The following PALM2AKAP2 variants were observed in gnomAD, a reference collection of about 807,000 sequenced individuals.
The protein encoded by PALM2AKAP2 is PALM2-AKAP2 fusion protein.
In PALM2AKAP2, 37 loss-of-function variants were observed where a neutral mutation model predicts 71.5. The observed-to-expected ratio is 0.52, with a 90% CI of 0.40 to 0.68. The LOEUF (loss-of-function observed/expected upper bound fraction) is 0.68, where lower values mean the gene tolerates loss of function less well. PALM2AKAP2 is among the 30% of genes least tolerant of loss of function. PALM2AKAP2 has a pLI of 0.00. For missense variants in PALM2AKAP2, 1,224 were observed against 1,191.8 expected, an observed-to-expected ratio of 1.03 and a Z score of -0.40; for synonymous variants, 468 against 478.8, an observed-to-expected ratio of 0.98 and a Z score of 0.29.
At chr9:110,138,332 A>C in exon 2 of PALM2AKAP2, 1 of 1,614,158 alleles carries the variant, frequency 6.2e-7, no homozygotes, top group South Asian at 1.1e-5. Context: ...CCTCCTGGCC[A>C]CTCAAGAATC....
chr9:109,841,997 G>A (rs572788568), intron 1 of PALM2AKAP2, among the ~76,000 whole-genome samples: 36 of 150,988 alleles, frequency 2.4e-4, no homozygotes, highest in African/African-American at 8.5e-4. Flanking sequence ...ATAGAGGGGA[G>A]GTGGGAAAAA....
intron 1 of PALM2AKAP2, among the ~76,000 whole-genome samples, chr9:110,115,922 T>A (rs1835352254): frequency 2.0e-5 from 3 of 152,190 alleles, no homozygotes; most frequent in Admixed American, 1.3e-4. Flanking sequence ...CGAAAAAGCA[T>A]CTCTGATGGT....
In PALM2AKAP2 at chr9:109,843,995, A is replaced by G. The variant is rs186515896; in HGVS notation, c.46-23496A>G. Among the ~76,000 whole-genome samples, 236 of 152,330 alleles carry G rather than the reference A, an allele frequency of 1.5e-3. 2 individuals are homozygous for G. The highest frequency in any genetic ancestry group is 5.2e-3 in the African/African-American group (215 of 41,570). On this transcript the variant is annotated intron_variant, in intron 1 of 9. Coordinates refer to the PALM2AKAP2 transcript ENST00000302798. ...CCCGATTCTTTGGTTGGTCCTAGAC[A>G]AAAACAACGGTTTTGCAGATTTGGG...
intron 1 of PALM2AKAP2, among the ~76,000 whole-genome samples, chr9:109,795,487 A>G (rs1346915167): frequency 1.3e-5 from 2 of 152,234 alleles, no homozygotes; most frequent in Non-Finnish European, 2.9e-5. Context: ...TAAAAAATAA[A>G]ATTAAAAAAA....
At chr9:109,805,624 A>T (rs1469367229) in intron 1 of PALM2AKAP2, among the ~76,000 whole-genome samples, 1 of 152,182 alleles carries the variant, frequency 6.6e-6, no homozygotes, top group Non-Finnish European at 1.5e-5. Flanking sequence ...TAAGGAAAAA[A>T]TTCCTCAATA....
At chr9:110,025,426 T>G (rs1046538467) in intron 7 of PALM2AKAP2, 5 of 690,648 alleles carry the variant, frequency 7.2e-6, no homozygotes, top group Non-Finnish European at 1.3e-5. Context: ...CCTTCACAAG[T>G]TGATGGATTT....
At chr9:109,943,025 A>G (rs1210761116) in intron 6 of PALM2AKAP2, 1 of 1,614,132 alleles carries the variant, frequency 6.2e-7, no homozygotes, top group Non-Finnish European at 8.5e-7. Context: ...GAAATGGTAC[A>G]TAAGTCTAGG....
chr9:109,747,245 C>G (rs1828816480), intron 1 of PALM2AKAP2, among the ~76,000 whole-genome samples: 4 of 152,162 alleles, frequency 2.6e-5, no homozygotes, highest in Admixed American at 2.6e-4. Context: ...CCTTGTCTTT[C>G]AAGTGGTTTA....
rs1055642716 is a variant in PALM2AKAP2, at chr9:109,702,824, C to CT, written c.5+61970dup. On this transcript the variant is annotated intron_variant, in intron 1 of 6. Coordinates refer to the PALM2AKAP2 transcript ENST00000374531. ...TTGTTTTTTACTTTTTCTTTTCTTT[C>CT]TTTTTTTTTTTTGAGACAGAGTCTC... Among the ~76,000 whole-genome samples the CT allele has an allele frequency of 5.0e-3, 712 of 141,834 alleles. 6 individuals are homozygous for CT. Among genetic ancestry groups the CT allele is most frequent in the Non-Finnish European group, 7.7e-3 (495 of 64,578 alleles). 93.0% of individuals were successfully genotyped at this position (141,834 alleles called of 152,430 possible).
intron 2 of PALM2AKAP2, among the ~76,000 whole-genome samples, chr9:110,152,519 AG>A (rs1459706921): frequency 6.6e-6 from 1 of 152,186 alleles, no homozygotes; most frequent in African/African-American, 2.4e-5. Context: ...CTCTTGGCCA[AG>A]GGACTTCAAG....
At chr9:109,780,283 C>T, upstream of PALM2AKAP2, 1 of 1,214,162 alleles carries the variant, frequency 8.2e-7, no homozygotes, top group Non-Finnish European at 1.0e-6. Flanking sequence ...GCCAGGCGGC[C>T]GGGAGGGCGG....
rs375566592 is a variant in PALM2AKAP2, at chr9:109,747,433, G to T, written c.6-33055G>T. 6.6e-4 allele frequency among the ~76,000 whole-genome samples: 100 copies of T among 152,196 alleles called. 1 individual carries two copies. In the South Asian group the frequency reaches 0.017, roughly 26 times the overall value. On this transcript the variant is annotated intron_variant, in intron 1 of 6. Coordinates refer to the PALM2AKAP2 transcript ENST00000374531. ...GCAAATTTGCCTTGACGTTCTTGGG[G>T]TTCCTGTCTTGGCATTCATGCAGAA...
chr9:109,776,047 A>G (rs555710746), upstream of PALM2AKAP2, among the ~76,000 whole-genome samples: 1 of 152,370 alleles, frequency 6.6e-6, no homozygotes, highest in Non-Finnish European at 1.5e-5. Context: ...TGTGATGTAT[A>G]TATCCAGATT....
At chr9:109,657,938 TTGTGTGTGTGTGTGTGTGTG>T (rs35984840) in intron 1 of PALM2AKAP2, among the ~76,000 whole-genome samples, 1 of 142,440 alleles carries the variant, frequency 7.0e-6, no homozygotes, top group Non-Finnish European at 1.5e-5. Context: ...TTGTGTGTGT[TTGTGTGTGTGTGTGTGTGTG>T]TGTGTGTGTG....
chr9:110,067,802 C>T (rs1344285924), intron 1 of PALM2AKAP2, among the ~76,000 whole-genome samples: 1 of 152,188 alleles, frequency 6.6e-6, no homozygotes, highest in Non-Finnish European at 1.5e-5. Context: ...TTCTGATCAA[C>T]AATTTCCTTT....
intron 1 of PALM2AKAP2, among the ~76,000 whole-genome samples, chr9:109,666,741 A>T (rs1280020192): frequency 6.6e-6 from 1 of 152,226 alleles, no homozygotes; most frequent in Non-Finnish European, 1.5e-5. Context: ...GAAGGCTCCC[A>T]ATGAATAACC....
chr9:109,817,168 T>G (rs1827874769), intron 1 of PALM2AKAP2, among the ~76,000 whole-genome samples: 1 of 152,234 alleles, frequency 6.6e-6, no homozygotes, highest in Admixed American at 6.5e-5. Context: ...GGTTAATGTC[T>G]AGATTGCCGT....
chr9:110,151,815 A>G (rs888090879), intron 2 of PALM2AKAP2, among the ~76,000 whole-genome samples: 1 of 152,236 alleles, frequency 6.6e-6, no homozygotes, highest in African/African-American at 2.4e-5. Context: ...AGGTCACATT[A>G]TACCTGTTCC....
chr9:109,917,494 T>C (rs1175659463), intron 3 of PALM2AKAP2, among the ~76,000 whole-genome samples: 1 of 148,406 alleles, frequency 6.7e-6, no homozygotes, highest in Non-Finnish European at 1.5e-5. Context: ...CTTTTTTTTT[T>C]TTTTTTTTTT....
Sources: allele counts gnomAD v4.1 joint callset (sites outside exome capture counted in the v4.1 genomes callset), GRCh38; gene constraint gnomAD v4.1.1; transcripts MANE v1.5; gene names NCBI Gene and HGNC (gene_info 2026-07-23, HGNC 2026-07-21).